Variants in B3GALT1 observed in about 807,000 individuals in gnomAD.
The protein encoded by B3GALT1 is beta-1,3-galactosyltransferase 1.
A neutral mutation model predicts 23.2 loss-of-function variants in B3GALT1; 10 were observed. The observed-to-expected ratio is 0.43, with a 90% CI of 0.27 to 0.73. The LOEUF (loss-of-function observed/expected upper bound fraction) is 0.73, where lower values mean the gene tolerates loss of function less well. Among genes scored for constraint, B3GALT1 ranks in the 30% least tolerant of loss-of-function variants. The pLI is 0.21. For synonymous variants in B3GALT1, 156 were observed against 141.5 expected (o/e 1.10, Z -0.73); for missense variants, 299 against 405.4 (o/e 0.74, Z 2.25).
chr2:167,563,350 CGGGGGG>C (rs1684058853), intron 2 of B3GALT1, among the ~76,000 whole-genome samples: 1 of 140,574 alleles, frequency 7.1e-6, no homozygotes, highest in East Asian at 2.5e-4. Flanking sequence ...GCTGGCCGGG[CGGGGGG>C]CTGACTCCCC....
chr2:167,618,732 C>A (rs1374168361), intron 2 of B3GALT1, among the ~76,000 whole-genome samples: 1 of 151,904 alleles, frequency 6.6e-6, no homozygotes, highest in Admixed American at 6.6e-5. Context: ...GAATACAGGT[C>A]ATTTATTTTG....
intron 3 of B3GALT1, among the ~76,000 whole-genome samples, chr2:167,671,116 G>A (rs886241806): frequency 3.9e-5 from 6 of 152,112 alleles, no homozygotes; most frequent in Non-Finnish European, 7.4e-5. Flanking sequence ...GACAAAGGAT[G>A]TAACAATTAT....
intron 2 of B3GALT1, among the ~76,000 whole-genome samples, chr2:167,495,544 G>A (rs1349808915): frequency 6.6e-6 from 1 of 152,034 alleles, no homozygotes; most frequent in Non-Finnish European, 1.5e-5. Context: ...TGTTGGTCAG[G>A]CTGGTCTCGA....
chr2:167,506,131 A>G (rs1017405409), intron 2 of B3GALT1, among the ~76,000 whole-genome samples: 1 of 152,136 alleles, frequency 6.6e-6, no homozygotes, highest in Non-Finnish European at 1.5e-5. Context: ...GTCTTTCCTT[A>G]TACCCCAAAG....
intron 3 of B3GALT1, among the ~76,000 whole-genome samples, chr2:167,665,434 T>A (rs1686157891): frequency 1.3e-5 from 2 of 149,222 alleles, no homozygotes; most frequent in East Asian, 3.9e-4. Flanking sequence ...CTTTTTTGGT[T>A]GTGTCTCTGG....
intron 2 of B3GALT1, among the ~76,000 whole-genome samples, chr2:167,512,635 TACATATATATATA>T (rs1700040902): frequency 1.1e-5 from 1 of 88,950 alleles, no homozygotes; most frequent in Non-Finnish European, 2.1e-5. Context: ...TATATATATA[TACATATATATATA>T]TATTTTGAGA....
intron 2 of B3GALT1, among the ~76,000 whole-genome samples, chr2:167,518,262 A>G (rs979486263): frequency 3.9e-5 from 6 of 151,992 alleles, no homozygotes; most frequent in Admixed American, 2.6e-4. Context: ...GCTGACTCCT[A>G]TTTACTTATT....
chr2:167,702,072 C>A (rs532584319), intron 3 of B3GALT1, among the ~76,000 whole-genome samples: 22 of 152,332 alleles, frequency 1.4e-4, no homozygotes, highest in African/African-American at 5.1e-4. Flanking sequence ...ATCTGTAATT[C>A]TTTTAACTAA....
chr2:167,519,548 G>A (rs1700156589), intron 2 of B3GALT1, among the ~76,000 whole-genome samples: 2 of 152,036 alleles, frequency 1.3e-5, no homozygotes, highest in Non-Finnish European at 2.9e-5. Context: ...TAAAAGTAAG[G>A]TTAAAAAACT....
chr2:167,662,445 T>G (rs933127025), intron 3 of B3GALT1, among the ~76,000 whole-genome samples: 1 of 152,110 alleles, frequency 6.6e-6, no homozygotes, highest in Non-Finnish European at 1.5e-5. Context: ...AACATCCCAC[T>G]GCCCCTAATG....
intron 2 of B3GALT1, among the ~76,000 whole-genome samples, chr2:167,572,979 A>G (rs796847602): frequency 9.9e-5 from 15 of 151,910 alleles, no homozygotes; most frequent in African/African-American, 3.6e-4. Flanking sequence ...ACATTGTTGA[A>G]TTGAAGCTTC....
intron 1 of B3GALT1, among the ~76,000 whole-genome samples, chr2:167,342,290 A>G (rs532881284): frequency 2.4e-4 from 37 of 152,316 alleles, no homozygotes; most frequent in African/African-American, 8.9e-4. Flanking sequence ...AGTGGAGTTT[A>G]TCAAAAAGCA....
chr2:167,614,044 C>T, intron 2 of B3GALT1, among the ~76,000 whole-genome samples: 1 of 151,220 alleles, frequency 6.6e-6, no homozygotes, highest in East Asian at 1.9e-4. Context: ...GATGTTCTAG[C>T]AAATGTAATA....
intron 1 of B3GALT1, among the ~76,000 whole-genome samples, chr2:167,305,549 TG>T (rs1442492028): frequency 6.6e-6 from 1 of 152,150 alleles, no homozygotes; most frequent in African/African-American, 2.4e-5. Flanking sequence ...ACTGTGAAAA[TG>T]TATGTGTATT....
intron 2 of B3GALT1, among the ~76,000 whole-genome samples, chr2:167,512,021 T>C (rs956356313): frequency 6.6e-6 from 1 of 152,180 alleles, no homozygotes; most frequent in Non-Finnish European, 1.5e-5. Context: ...ATATATGATA[T>C]GTTAGGAAGT....
chr2:167,475,508 C>T (rs531551609), intron 1 of B3GALT1, among the ~76,000 whole-genome samples: 1 of 151,924 alleles, frequency 6.6e-6, no homozygotes, highest in Non-Finnish European at 1.5e-5. Flanking sequence ...AAAAAGAAAC[C>T]TTCTATTAGT....
chr2:167,545,128 G>A (rs1314008094), intron 2 of B3GALT1, among the ~76,000 whole-genome samples: 1 of 137,974 alleles, frequency 7.2e-6, no homozygotes, highest in African/African-American at 2.7e-5. Flanking sequence ...TCTGCCTCCC[G>A]GGTTCATGCC....
At chr2:167,672,477 A>C (rs1315442371) in intron 3 of B3GALT1, among the ~76,000 whole-genome samples, 1 of 152,100 alleles carries the variant, frequency 6.6e-6, no homozygotes, top group Non-Finnish European at 1.5e-5. Context: ...ATGACTCAAC[A>C]TGAGACTCAA....
intron 3 of B3GALT1, among the ~76,000 whole-genome samples, chr2:167,698,149 G>A (rs16854068): frequency 0.023 from 3,540 of 152,154 alleles, 127 homozygotes; most frequent in African/African-American, 0.081. Flanking sequence ...TCACTTAACC[G>A]CATGGTTTTG....
Sources: gnomAD v4.1 joint callset for allele counts (sites outside exome capture counted in the v4.1 genomes callset) on GRCh38, gnomAD v4.1.1 for gene constraint, MANE v1.5 for transcripts, NCBI Gene and HGNC (gene_info 2026-07-23, HGNC 2026-07-21) for gene names.